The following ZBTB37 variants were observed in gnomAD, a reference collection of about 807,000 sequenced individuals.
ZBTB37 encodes the protein zinc finger and BTB domain containing 37, also known as zinc finger and BTB domain-containing protein 37.
In ZBTB37, 15 loss-of-function variants were observed where a neutral mutation model predicts 37.7. The ratio of observed to expected loss-of-function variants is 0.40; its 90% confidence interval spans 0.27 to 0.61. ZBTB37 has a LOEUF of 0.61. Among genes scored for constraint, ZBTB37 ranks in the 20% least tolerant of loss-of-function variants. The pLI is 0.44. For synonymous variants in ZBTB37, 231 were observed against 220.6 expected (o/e 1.05, Z -0.42); for missense variants, 514 against 641.9 (o/e 0.80, Z 2.15).
exon 4 of ZBTB37, chr1:173,897,098 T>A (rs1265701906): frequency 1.3e-5 from 2 of 152,260 alleles, no homozygotes; most frequent in Non-Finnish European, 2.9e-5. Context: ...TATATGCATG[T>A]GCATTGAACC....
chr1:173,868,427 G>A (rs1300577920), intron 1 of ZBTB37, 22 bp downstream of exon 1: 2 of 153,254 alleles, frequency 1.3e-5, no homozygotes, highest in African/African-American at 4.8e-5. Flanking sequence ...TCCTTGACTG[G>A]ACTCGGGCCC....
chr1:173,885,723 C>G, exon 5 of ZBTB37: 1 of 1,551,674 alleles, frequency 6.4e-7, no homozygotes, highest in African/African-American at 1.4e-5. Context: ...CCGGTACAAC[C>G]CTCGTCTCAC....
At chr1:173,877,407 G>T (rs1167363993) in intron 4 of ZBTB37, among the ~76,000 whole-genome samples, 1 of 128,938 alleles carries the variant, frequency 7.8e-6, no homozygotes, top group Non-Finnish European at 1.6e-5. Context: ...TCCGAGACAG[G>T]ATCTCACTTT....
chr1:173,877,023 T>C (rs80331227), intron 4 of ZBTB37, among the ~76,000 whole-genome samples: 3,077 of 152,304 alleles, frequency 0.02, 104 homozygotes, highest in African/African-American at 0.071. Context: ...AGTTACAAAG[T>C]AAATATTTGT....
intron 3 of ZBTB37, among the ~76,000 whole-genome samples, chr1:173,873,257 A>G (rs565989691): frequency 5.3e-5 from 8 of 152,300 alleles, no homozygotes; most frequent in South Asian, 4.1e-4. Flanking sequence ...TCTATCTGTT[A>G]TGTCATTTTG....
intron 4 of ZBTB37, among the ~76,000 whole-genome samples, chr1:173,877,664 T>A (rs1424576625): frequency 1.3e-5 from 2 of 152,100 alleles, no homozygotes; most frequent in Non-Finnish European, 2.9e-5. Context: ...CAAGGTGCAG[T>A]CCTCCCACCT....
downstream of ZBTB37, chr1:173,890,713 C>T (rs1656808622): frequency 6.6e-6 from 1 of 152,156 alleles, no homozygotes; most frequent in Non-Finnish European, 1.5e-5. Context: ...CAGTAGTTTC[C>T]AGGCCAAATG....
At chr1:173,875,116 A>G (rs865788747) in intron 4 of ZBTB37, among the ~76,000 whole-genome samples, 3 of 137,052 alleles carry the variant, frequency 2.2e-5, no homozygotes, top group Non-Finnish European at 4.7e-5. Context: ...TCTGATTATT[A>G]TGTGTGTGTG....
chr1:173,902,443 A>T (rs937837717), exon 4 of ZBTB37: 1 of 152,206 alleles, frequency 6.6e-6, no homozygotes, highest in Non-Finnish European at 1.5e-5. Flanking sequence ...GAAAAAAACT[A>T]ATGTTTGAGA....
intron 1 of ZBTB37, chr1:173,868,650 C>G (rs1016660653): frequency 6.6e-6 from 1 of 152,510 alleles, no homozygotes; most frequent in Non-Finnish European, 1.5e-5. Context: ...CCTCCCCCAC[C>G]GCAGCCGGGA....
chr1:173,870,804 C>T lies in ZBTB37; in HGVS notation c.579C>T (p.Ser193=), dbSNP rs749658361. The change falls in exon 3 of 5, where the codon TCC becomes TCT. Residue 193 remains serine, a synonymous_variant. Coordinates refer to ENST00000427304, the Ensembl canonical transcript of ZBTB37. ...GAGAGCTAAGTCCTCCTGAGGAGTC[C>T]ACCAGCCCTCAGATCATTGAACCAA... 5.6e-6 allele frequency: 9 copies of T among 1,614,086 alleles called. No individual in the cohort carries two copies. In the East Asian group the frequency reaches 1.8e-4, roughly 32 times the overall value.
At chr1:173,899,449 G>GA (rs1557897997) in exon 4 of ZBTB37, 1 of 152,064 alleles carries the variant, frequency 6.6e-6, no homozygotes, top group South Asian at 2.1e-4. Flanking sequence ...AAAAAGTAGT[G>GA]AAAAAATGCC....
intron 4 of ZBTB37, among the ~76,000 whole-genome samples, chr1:173,878,219 T>C (rs1572059801): frequency 6.6e-6 from 1 of 152,252 alleles, no homozygotes; most frequent in African/African-American, 2.4e-5. Context: ...GCTACTATTA[T>C]AGCATGGTAC....
chr1:173,881,579 A>G (rs576901161), intron 4 of ZBTB37, among the ~76,000 whole-genome samples: 74 of 152,276 alleles, frequency 4.9e-4, no homozygotes, highest in African/African-American at 1.7e-3. Context: ...CAACAGTGCA[A>G]AAGTGTTCCT....
intron 4 of ZBTB37, among the ~76,000 whole-genome samples, chr1:173,880,588 T>A (rs1412836182): frequency 1.3e-5 from 2 of 152,232 alleles, no homozygotes; most frequent in Non-Finnish European, 2.9e-5. Flanking sequence ...AGAATGTCCC[T>A]GTGCTTACAA....
At position 173,877,400 on chromosome 1, in the gene ZBTB37, G is replaced by A. The variant is rs780683308; in HGVS notation, c.1023+3834G>A. 6.1e-5 allele frequency among the ~76,000 whole-genome samples: 7 copies of A among 115,624 alleles called. No individual in the cohort carries two copies. The East Asian group carries it at 7.7e-4, about 13-fold the overall frequency. The allele number at this position is 115,624 out of a possible 152,430, so 75.9% of individuals were successfully genotyped here. A position where few individuals can be genotyped will look rare whatever the true frequency, so the allele number is the denominator to read the frequency against. On this transcript the variant is annotated intron_variant, in intron 4 of 4. Coordinates refer to ENST00000427304, the Ensembl canonical transcript of ZBTB37. ...TTTTTTTTTTTTTTTTTTTTTTTCC[G>A]AGACAGGATCTCACTTTGTCGTCCA...
chr1:173,896,194 A>C (rs1657038352), exon 4 of ZBTB37: 1 of 152,250 alleles, frequency 6.6e-6, no homozygotes, highest in African/African-American at 2.4e-5. Flanking sequence ...CATAAAGATT[A>C]ATTAGATTTT....
chr1:173,871,521 G>C (rs1037886292), intron 3 of ZBTB37, among the ~76,000 whole-genome samples: 4 of 152,242 alleles, frequency 2.6e-5, no homozygotes, highest in African/African-American at 9.6e-5. Flanking sequence ...TTATCACACA[G>C]GTAGGTGGCC....
intron 4 of ZBTB37, among the ~76,000 whole-genome samples, chr1:173,880,889 TC>T (rs1396638635): frequency 1.2e-4 from 18 of 152,226 alleles, no homozygotes; most frequent in Non-Finnish European, 2.9e-5. Context: ...GCATTTACTT[TC>T]TGCATGTGGA....
Sources: gnomAD v4.1 joint callset for allele counts (sites outside exome capture counted in the v4.1 genomes callset) on GRCh38, gnomAD v4.1.1 for gene constraint, MANE v1.5 for transcripts, NCBI Gene and HGNC (gene_info 2026-07-23, HGNC 2026-07-21) for gene names.